Variants in HUWE1 observed in about 807,000 individuals in gnomAD.
HUWE1 encodes E3 ubiquitin-protein ligase HUWE1.
In HUWE1, 18 loss-of-function variants were observed where a neutral mutation model predicts 299.4. The ratio of observed to expected loss-of-function variants is 0.06; its 90% CI spans 0.04 to 0.09. The LOEUF (loss-of-function observed/expected upper bound fraction) is 0.09. Ranked by LOEUF, HUWE1 falls within the 10% of genes least tolerant of loss-of-function variation. HUWE1 has a pLI of 1.00. For synonymous variants in HUWE1, 1,317 were observed against 1,286.1 expected (o/e 1.02, Z -0.51); for missense variants, 1,832 against 3,462.3 (o/e 0.53, Z 11.82).
Position 53,609,148 on chromosome X carries a change from C to T in HUWE1, c.2262-239G>A, listed in dbSNP as rs186840637. Among the ~76,000 whole-genome samples the T allele has an allele frequency of 4.5e-5, 5 of 110,928 alleles. No homozygotes were observed. The South Asian group carries it at 1.9e-3, about 43-fold the overall frequency. On this transcript the variant is annotated intron_variant, in intron 23 of 83. Coordinates refer to ENST00000262854, the MANE Select transcript of HUWE1 (RefSeq NM_031407.7). ...GAGATGAGCCTTTAGACTCATATAC[C>T]GCAGGAAAAAAACAGCTGAAATCAA...
intron 79 of HUWE1, 36 bp from the exon 80 acceptor site, chrX:53,536,288 G>A (rs190824963): frequency 1.2e-4 from 135 of 1,141,530 alleles, no homozygotes; most frequent in South Asian, 1.5e-4. Flanking sequence ...CATGGTTTGC[G>A]AGTGGGGGGG....
Position 53,549,318 on chromosome X carries a change from G to A in HUWE1, c.9676C>T (p.Leu3226=). ...AQTRHWVIRS[L]LSILQRSSES... ...CTGCTGCGCTGCAAGATGGAGAGCA[G>A]ACTGCGGATGACCCAGTGGCGGGTC... is the stretch of plus-strand genomic sequence containing the variant. Residue 3226 remains leucine, a synonymous_variant, in exon 67 of 84, where the codon CTG becomes TTG. Coordinates refer to ENST00000262854, the MANE Select transcript of HUWE1 (RefSeq NM_031407.7). 2 of 1,211,946 alleles carry A rather than the reference G, an allele frequency of 1.7e-6. No homozygotes were observed. Among genetic ancestry groups the A allele is most frequent in the South Asian group, 1.8e-5 (1 of 56,989 alleles).
chrX:53,641,622 G>A (rs1603235661), intron 7 of HUWE1, among the ~76,000 whole-genome samples: 1 of 111,667 alleles, frequency 9.0e-6, no homozygotes, highest in South Asian at 3.7e-4. Flanking sequence ...TATAGTTGTA[G>A]TTTATGTCAG....
chrX:53,548,938 A>G, intron 67 of HUWE1, 21 bp downstream of exon 67: 7 of 1,170,013 alleles, frequency 6.0e-6, no homozygotes, highest in Non-Finnish European at 8.1e-6. Context: ...CATCCCCAGG[A>G]GTTGGGTTTG....
At chrX:53,614,897 T>A in intron 22 of HUWE1, 152 bp from the exon 23 acceptor site, 1 of 480,080 alleles carries the variant, frequency 2.1e-6, no homozygotes, top group Non-Finnish European at 3.7e-6. Flanking sequence ...ATATGGTCAT[T>A]AATTACATTT....
intron 9 of HUWE1, chrX:53,632,000 G>C: frequency 3.1e-6 from 1 of 324,433 alleles, no homozygotes; most frequent in Non-Finnish European, 5.6e-6. Flanking sequence ...AAGCTAGAAA[G>C]ATTATTTATT....
At chrX:53,552,608 C>T (rs1159779369) in intron 62 of HUWE1, 30 bp downstream of exon 62, 4 of 1,210,351 alleles carry the variant, frequency 3.3e-6, no homozygotes, top group Non-Finnish European at 3.4e-6. Context: ...TCCAATATAT[C>T]CTACCCTTCT....
At chrX:53,548,863 CAA>C (rs1427828049) in intron 67 of HUWE1, 94 bp downstream of exon 67, 1 of 749,630 alleles carries the variant, frequency 1.3e-6, no homozygotes, top group Admixed American at 2.6e-5. Context: ...AAAATAAGAG[CAA>C]AAAGACACGC....
At position 53,635,968 on chromosome X, in the gene HUWE1, G is replaced by T. The variant is rs192022832; in HGVS notation, c.505-1670C>A. On this transcript the variant is annotated intron_variant, in intron 7 of 83. Coordinates refer to ENST00000262854, the MANE Select transcript of HUWE1 (RefSeq NM_031407.7). ...AAATAAGCTTTCTCAAACTACACTT[G>T]ATCTACTGGCAGCATTTCTCAATCC... Among the ~76,000 whole-genome samples the T allele has an allele frequency of 2.4e-4, 27 of 112,374 alleles. No homozygotes were observed. The East Asian group carries it at 7.2e-3, about 30-fold the overall frequency.
At chrX:53,578,765 C>G (rs2063381460) in intron 43 of HUWE1, among the ~76,000 whole-genome samples, 2 of 60,281 alleles carry the variant, frequency 3.3e-5, no homozygotes, top group Admixed American at 1.7e-4. Flanking sequence ...GAAGTGAGGA[C>G]CCCTCTGCCC....
At chrX:53,575,495 C>T (rs782099672) in intron 45 of HUWE1, 148 bp downstream of exon 45, 700 of 645,166 alleles carry the variant, frequency 1.1e-3, no homozygotes, top group Non-Finnish European at 1.5e-3. Context: ...CCAGGGACAC[C>T]CCAATTTTGT....
intron 47 of HUWE1, among the ~76,000 whole-genome samples, chrX:53,572,903 C>T (rs1470182528): frequency 1.8e-5 from 2 of 110,816 alleles, no homozygotes; most frequent in African/African-American, 3.3e-5. Context: ...TCAAACCTTC[C>T]CCACCCCATT....
chrX:53,537,548 G>T lies in HUWE1; in HGVS notation c.12137+8C>A. 1 of 1,210,044 alleles carries T rather than the reference G, an allele frequency of 8.3e-7. No homozygotes were observed. ...CCCGCCATCTTTTCTCCGTTCCTGG[G>T]CCCTTACAATCGATTCTTCATTTCT... On this transcript the variant is annotated splice_region_variant and intron_variant, in intron 78 of 83. Transcript: ENST00000262854.
At chrX:53,602,029 G>C (rs950779097) in intron 28 of HUWE1, among the ~76,000 whole-genome samples, 23 of 111,255 alleles carry the variant, frequency 2.1e-4, no homozygotes, top group African/African-American at 7.5e-4. Context: ...AAACAGCACT[G>C]TCGATAGAAA....
chrX:53,539,900 C>T (rs782001221), intron 74 of HUWE1, 88 bp from the exon 75 acceptor site: 334 of 926,779 alleles, frequency 3.6e-4, no homozygotes, highest in Non-Finnish European at 4.8e-4. Context: ...AACTAATATA[C>T]AGAACAAGTA....
intron 9 of HUWE1, among the ~76,000 whole-genome samples, 199 bp downstream of exon 9, chrX:53,632,288 C>T: frequency 8.9e-6 from 1 of 111,902 alleles, no homozygotes; most frequent in East Asian, 2.8e-4. Flanking sequence ...CTTTTGGCAG[C>T]TCCCAACATA....
At position 53,681,879 on chromosome X, in the gene HUWE1, G is replaced by A. The variant is rs149934713; in HGVS notation, c.-162-1693C>T. ...GGTAGAACACTTGGGTGTGGTTCTT[G>A]ACAGGAACATTATGGCTGGTGGTCA... is the stretch of plus-strand genomic sequence containing the variant. On this transcript the variant is annotated intron_variant, in intron 2 of 83. Coordinates refer to ENST00000262854, the MANE Select transcript of HUWE1 (RefSeq NM_031407.7). Among the ~76,000 whole-genome samples the A allele has an allele frequency of 9.5e-3, 1,067 of 112,127 alleles. 16 individuals carry two copies. The highest frequency in any genetic ancestry group is 0.033 in the African/African-American group (1,002 of 30,824).
chrX:53,599,103 A>G (rs1038003758), intron 29 of HUWE1, among the ~76,000 whole-genome samples: 1 of 112,280 alleles, frequency 8.9e-6, no homozygotes, highest in Non-Finnish European at 1.9e-5. Context: ...TCCAAAGACA[A>G]GAGGATGGCA....
intron 26 of HUWE1, among the ~76,000 whole-genome samples, chrX:53,604,151 A>G (rs2065034939): frequency 8.9e-6 from 1 of 112,111 alleles, no homozygotes; most frequent in African/African-American, 3.2e-5. Flanking sequence ...CTGTGAGGAC[A>G]TACACAAAAT....
Sources: gnomAD v4.1 joint callset for allele counts (sites outside exome capture counted in the v4.1 genomes callset) on GRCh38, gnomAD v4.1.1 for gene constraint, MANE v1.5 for transcripts, NCBI Gene and HGNC (gene_info 2026-07-23, HGNC 2026-07-21) for gene names.